EFCAB13: variants seen among roughly 807,000 people sequenced by gnomAD.
EFCAB13 encodes EF-hand calcium-binding domain-containing protein 13.
In EFCAB13, 91 loss-of-function variants were observed where a neutral mutation model predicts 110.2. The ratio of observed to expected loss-of-function variants is 0.83; its 90% CI spans 0.70 to 0.98. The LOEUF is 0.98. Among genes scored for constraint, EFCAB13 ranks in the 50% least tolerant of loss-of-function variants. EFCAB13 has a pLI of 0.00. For synonymous variants in EFCAB13, 323 were observed against 369.9 expected (o/e 0.87, Z 1.45); for missense variants, 968 against 1,119.4 (o/e 0.86, Z 1.93).
chr17:47,368,221 G>A (rs924669006), intron 10 of EFCAB13, among the ~76,000 whole-genome samples: 2 of 152,196 alleles, frequency 1.3e-5, no homozygotes, highest in Admixed American at 6.5e-5. Flanking sequence ...TATTTTGGAA[G>A]AGAAGAACAA....
intron 5 of EFCAB13, among the ~76,000 whole-genome samples, chr17:47,336,292 A>ATT (rs5820651): frequency 7.7e-6 from 1 of 130,508 alleles, no homozygotes; most frequent in East Asian, 2.2e-4. Context: ...ACACTCGGCT[A>ATT]TTTTTTTTTT....
intron 23 of EFCAB13, among the ~76,000 whole-genome samples, chr17:47,416,294 T>C (rs1904440597): frequency 6.6e-6 from 1 of 152,140 alleles, no homozygotes. Flanking sequence ...TTCCCACCTC[T>C]CTCCAGCTAC....
intron 10 of EFCAB13, among the ~76,000 whole-genome samples, chr17:47,364,349 C>G (rs11869439): frequency 0.023 from 3,445 of 152,272 alleles, 107 homozygotes; most frequent in East Asian, 0.18. Context: ...TAACTCCACT[C>G]TGTCGCCAGA....
In EFCAB13 at chr17:47,329,637, A is replaced by G. The variant is rs973704251; in HGVS notation, c.30+1254A>G. On this transcript the variant is annotated intron_variant, in intron 4 of 24. Coordinates refer to ENST00000331493, the MANE Select transcript of EFCAB13 (RefSeq NM_152347.5). ...TACCGGTTTGTTTTCCTTAGACTGT[A>G]TAATTTATACTTCACAGATGGCTCA... Among the ~76,000 whole-genome samples the G allele has an allele frequency of 3.9e-5, 6 of 152,168 alleles. No homozygotes were observed. In the East Asian group the frequency reaches 1.2e-3, roughly 29 times the overall value.
At chr17:47,393,384 A>C (rs2065718763) in intron 15 of EFCAB13, among the ~76,000 whole-genome samples, 1 of 152,196 alleles carries the variant, frequency 6.6e-6, no homozygotes, top group African/African-American at 2.4e-5. Context: ...TAAATCCTGG[A>C]AAATCTCTTG....
chr17:47,379,131 T>C, intron 13 of EFCAB13, 51 bp from the exon 14 acceptor site: 3 of 1,426,526 alleles, frequency 2.1e-6, no homozygotes, highest in Non-Finnish European at 2.9e-6. Flanking sequence ...TAAATTTGCC[T>C]TTATGCAAAA....
intron 14 of EFCAB13, among the ~76,000 whole-genome samples, chr17:47,383,950 C>T (rs140270615): frequency 1.3e-5 from 2 of 152,246 alleles, no homozygotes; most frequent in East Asian, 1.9e-4. Context: ...GAAATTCTCT[C>T]ACTTTCATTG....
chr17:47,341,167 T>C (rs2065382353), intron 5 of EFCAB13, among the ~76,000 whole-genome samples: 1 of 151,926 alleles, frequency 6.6e-6, no homozygotes, highest in Non-Finnish European at 1.5e-5. Flanking sequence ...ATAATGATAA[T>C]AAAAGGTATA....
At chr17:47,378,543 T>C (rs141767467) in intron 13 of EFCAB13, among the ~76,000 whole-genome samples, 110 of 152,306 alleles carry the variant, frequency 7.2e-4, no homozygotes, top group African/African-American at 2.6e-3. Context: ...ATCCTCAGAA[T>C]CTGGGCACAA....
At chr17:47,420,850 C>T (rs1451597007) in intron 23 of EFCAB13, among the ~76,000 whole-genome samples, 47 of 148,932 alleles carry the variant, frequency 3.2e-4, no homozygotes, top group Middle Eastern at 3.5e-3. Flanking sequence ...CCACCCCGTC[C>T]GGGAGGGAGG....
intron 21 of EFCAB13, among the ~76,000 whole-genome samples, chr17:47,409,933 A>T (rs1307350104): frequency 1.3e-5 from 2 of 152,058 alleles, no homozygotes; most frequent in East Asian, 1.9e-4. Context: ...TTGTACCATT[A>T]TCCTTGCTTT....
intron 11 of EFCAB13, among the ~76,000 whole-genome samples, chr17:47,372,343 C>T (rs2065589724): frequency 6.6e-6 from 1 of 152,130 alleles, no homozygotes; most frequent in South Asian, 2.1e-4. Context: ...CTTGCATAAA[C>T]AAACTATGCT....
Position 47,404,545 on chromosome 17 carries a change from C to G in EFCAB13, c.2162-17C>G, listed in dbSNP as rs181970260. The G allele has an allele frequency of 6.2e-7, 1 of 1,606,622 alleles. No homozygotes were observed. Among genetic ancestry groups the G allele is most frequent in the Non-Finnish European group, 8.5e-7 (1 of 1,175,450 alleles). ...GTCTAGGGGTTCTTGTTTGTCATCT[C>G]TCTCTTTTCCTTGCAGAAGATAACA... On this transcript the variant is annotated splice_polypyrimidine_tract_variant and intron_variant, in intron 19 of 24. Coordinates refer to ENST00000331493, the MANE Select transcript of EFCAB13 (RefSeq NM_152347.5).
At chr17:47,335,627 TAAATA>T (rs1257664139) in intron 5 of EFCAB13, among the ~76,000 whole-genome samples, 1 of 152,170 alleles carries the variant, frequency 6.6e-6, no homozygotes, top group African/African-American at 2.4e-5. Flanking sequence ...ACGTAATTTA[TAAATA>T]AAAGAGGTTT....
At chr17:47,362,049 T>G (rs1469332710) in intron 10 of EFCAB13, among the ~76,000 whole-genome samples, 1 of 152,164 alleles carries the variant, frequency 6.6e-6, no homozygotes. Context: ...AATTGATTGA[T>G]TCATTTGTTT....
intron 23 of EFCAB13, among the ~76,000 whole-genome samples, chr17:47,428,004 T>C (rs924846521): frequency 4.6e-5 from 7 of 152,002 alleles, no homozygotes; most frequent in Admixed American, 4.6e-4. Flanking sequence ...TGTAGTCATA[T>C]TTTAGGTACC....
chr17:47,370,643 G>A (rs951510622), intron 11 of EFCAB13, 135 bp downstream of exon 11: 6 of 528,022 alleles, frequency 1.1e-5, no homozygotes, highest in Non-Finnish European at 1.3e-5. Context: ...AAATCAAGGA[G>A]ATAAAATATA....
intron 14 of EFCAB13, among the ~76,000 whole-genome samples, chr17:47,379,554 A>G (rs559384119): frequency 2.1e-4 from 26 of 126,422 alleles, no homozygotes; most frequent in African/African-American, 7.0e-4. Flanking sequence ...TTGATGGGTG[A>G]TATGGTTTGT....
At position 47,440,433 on chromosome 17, in the gene EFCAB13, A is replaced by G. The variant is rs1598772496; in HGVS notation, c.2641A>G (p.Ser881Gly). The G allele has an allele frequency of 7.6e-6, 12 of 1,572,946 alleles. No individual in the cohort carries two copies. The highest frequency in any genetic ancestry group is 1.4e-5 in the African/African-American group (1 of 73,082). Reference sequence around the variant, plus strand: ...GTAAATTATGCTTTGCCTTACAGAAAGTGGCAAGGTTAGCATTCAAGAATT... The same window carrying G: ...GTAAATTATGCTTTGCCTTACAGAAGGTGGCAAGGTTAGCATTCAAGAATT... Reference protein sequence around the residue: ...VMLRHVPEHESGKVSIQEFMT... With the variant: ...VMLRHVPEHEGGKVSIQEFMT... The change falls in exon 25 of 25, where the codon AGT becomes GGT. Residue 881 changes from serine to glycine, a missense_variant and splice_region_variant. By Grantham distance (56) the Ser-to-Gly change is moderately conservative (BLOSUM62 0). Transcript: ENST00000331493.
Sources: allele counts gnomAD v4.1 joint callset (sites outside exome capture counted in the v4.1 genomes callset), GRCh38; gene constraint gnomAD v4.1.1; transcripts MANE v1.5; gene names NCBI Gene and HGNC (gene_info 2026-07-23, HGNC 2026-07-21).